AFAP1L2: variants seen among roughly 807,000 people sequenced by gnomAD.
AFAP1L2 encodes actin filament-associated protein 1-like 2.
In AFAP1L2, 46 loss-of-function variants were observed where a neutral mutation model predicts 99.3. The observed-to-expected ratio is 0.46, with a 90% CI of 0.37 to 0.59. The LOEUF is 0.59. Ranked by LOEUF, AFAP1L2 falls within the 20% of genes least tolerant of loss-of-function variation. The pLI is 0.00. For missense variants in AFAP1L2, 959 were observed against 1,034.9 expected, an observed-to-expected ratio of 0.93 and a Z score of 1.01; for synonymous variants, 397 against 419.1, an observed-to-expected ratio of 0.95 and a Z score of 0.64.
intron 1 of AFAP1L2, among the ~76,000 whole-genome samples, chr10:114,392,058 G>C (rs1305312349): frequency 6.6e-6 from 1 of 152,144 alleles, no homozygotes; most frequent in Non-Finnish European, 1.5e-5. Context: ...AGCTAGGATA[G>C]CAATGTATTG....
chr10:114,330,295 C>T (rs553044179), intron 4 of AFAP1L2, among the ~76,000 whole-genome samples: 1 of 152,302 alleles, frequency 6.6e-6, no homozygotes, highest in African/African-American at 2.4e-5. Context: ...GATCAGGTGA[C>T]GGTCAGTTGG....
At chr10:114,342,963 G>A (rs990828725) in intron 1 of AFAP1L2, among the ~76,000 whole-genome samples, 2 of 152,180 alleles carry the variant, frequency 1.3e-5, no homozygotes, top group African/African-American at 4.8e-5. Context: ...ATAAATATTT[G>A]TTGACTAAAT....
At chr10:114,328,066 C>A (rs1253947185) in intron 4 of AFAP1L2, among the ~76,000 whole-genome samples, 1 of 152,218 alleles carries the variant, frequency 6.6e-6, no homozygotes, top group Non-Finnish European at 1.5e-5. Flanking sequence ...AGACCATCAA[C>A]CATGGCCAAC....
At chr10:114,289,400 T>C in the AFAP1L2 span, 172 of 1,614,086 alleles carry the variant, frequency 1.1e-4, no homozygotes, top group Middle Eastern at 1.6e-4. Context: ...CTGCGGAGGC[T>C]TGCAGGTCCC....
intron 1 of AFAP1L2, among the ~76,000 whole-genome samples, chr10:114,370,254 C>G (rs2136963439): frequency 6.6e-6 from 1 of 152,326 alleles, no homozygotes; most frequent in Admixed American, 6.5e-5. Flanking sequence ...TCACACACAC[C>G]AGAGGCTGCT....
At chr10:114,345,028 C>T (rs774473106) in intron 1 of AFAP1L2, among the ~76,000 whole-genome samples, 20 of 146,556 alleles carry the variant, frequency 1.4e-4, no homozygotes, top group African/African-American at 2.8e-4. Flanking sequence ...ACCTGAGAGA[C>T]GGAGGTTGCA....
At chr10:114,290,278 T>C, downstream of AFAP1L2, 1 of 1,550,564 alleles carries the variant, frequency 6.4e-7, no homozygotes, top group Non-Finnish European at 8.7e-7. Context: ...ACCCAGCCCG[T>C]GCATGAATGA....
At chr10:114,333,166 T>C (rs113817634) in intron 3 of AFAP1L2, 55 bp downstream of exon 3, 1 of 1,510,500 alleles carries the variant, frequency 6.6e-7, no homozygotes, top group Non-Finnish European at 9.2e-7. Context: ...AGCTTGGACC[T>C]TCCCCCATCC....
At chr10:114,360,062 A>G (rs1471131203) in intron 1 of AFAP1L2, among the ~76,000 whole-genome samples, 3 of 152,138 alleles carry the variant, frequency 2.0e-5, no homozygotes, top group African/African-American at 7.2e-5. Flanking sequence ...ATTCTTCTGG[A>G]TGTGCTGGTG....
chr10:114,380,339 C>T (rs1030442397), intron 1 of AFAP1L2, among the ~76,000 whole-genome samples: 3 of 152,206 alleles, frequency 2.0e-5, no homozygotes, highest in African/African-American at 7.2e-5. Context: ...TTTCTGTCTC[C>T]AGATTTGTCT....
At chr10:114,323,063 G>T in intron 5 of AFAP1L2, 108 bp downstream of exon 5, 1 of 1,016,952 alleles carries the variant, frequency 9.8e-7, no homozygotes, top group Non-Finnish European at 1.4e-6. Context: ...ACTACCCTCT[G>T]TCACCCAGCC....
At chr10:114,358,616 T>A (rs558328770) in intron 1 of AFAP1L2, among the ~76,000 whole-genome samples, 2 of 152,190 alleles carry the variant, frequency 1.3e-5, no homozygotes, top group East Asian at 3.9e-4. Flanking sequence ...CCAGAGTCAT[T>A]TGAAAATAGA....
At chr10:114,373,423 C>A (rs891569089) in intron 1 of AFAP1L2, among the ~76,000 whole-genome samples, 1 of 152,070 alleles carries the variant, frequency 6.6e-6, no homozygotes, top group Admixed American at 6.6e-5. Flanking sequence ...GTCAGGTGTT[C>A]AAGACCAGCC....
rs926940217 is a variant in AFAP1L2, at chr10:114,295,823, A to G, written c.*219T>C. 5.1e-6 allele frequency: 7 copies of G among 1,384,002 alleles called. No homozygotes were observed. Among genetic ancestry groups the G allele is most frequent in the Non-Finnish European group, 6.5e-6 (7 of 1,068,936 alleles). 85.7% of individuals were successfully genotyped at this position (1,384,002 alleles called of 1,614,324 possible). A position where few individuals can be genotyped will look rare whatever the true frequency, so the allele number is the denominator to read the frequency against. ...ACAACGTCTTGTTTACATCCAATAG[A>G]CTTAGGTCTCCAAAGAAGCCTCCTT... On this transcript the variant is annotated 3_prime_UTR_variant, in exon 19 of 19. Transcript: ENST00000304129.
intron 16 of AFAP1L2, among the ~76,000 whole-genome samples, chr10:114,297,811 C>T (rs75863648): frequency 4.9e-4 from 74 of 152,318 alleles, no homozygotes; most frequent in African/African-American, 1.6e-3. Flanking sequence ...GGCTTCCCTA[C>T]GCCTAACAGA....
At chr10:114,365,689 C>T (rs553066252) in intron 1 of AFAP1L2, among the ~76,000 whole-genome samples, 46 of 151,484 alleles carry the variant, frequency 3.0e-4, no homozygotes, top group South Asian at 1.3e-3. Flanking sequence ...TTTCTTTGAC[C>T]GCCCTTACTT....
intron 5 of AFAP1L2, among the ~76,000 whole-genome samples, chr10:114,317,865 A>G (rs2044392094): frequency 6.6e-6 from 1 of 152,226 alleles, no homozygotes; most frequent in Non-Finnish European, 1.5e-5. Context: ...CTCAAAAAAA[A>G]GGGCGGGAGT....
At chr10:114,284,757 T>C in the AFAP1L2 span, 2 of 1,042,428 alleles carry the variant, frequency 1.9e-6, no homozygotes, top group Non-Finnish European at 1.4e-6. Context: ...AGGGAGGGGC[T>C]GGGCCACTGC....
At chr10:114,289,739 A>G in the AFAP1L2 span, 5 of 553,406 alleles carry the variant, frequency 9.0e-6, no homozygotes, top group African/African-American at 3.8e-5. Flanking sequence ...GAATTTATGC[A>G]TTCCCTTTAA....
Sources: allele counts gnomAD v4.1 joint callset (sites outside exome capture counted in the v4.1 genomes callset), GRCh38; gene constraint gnomAD v4.1.1; transcripts MANE v1.5; gene names NCBI Gene and HGNC (gene_info 2026-07-23, HGNC 2026-07-21).